The following CDH13 variants were observed in gnomAD, a reference collection of about 807,000 sequenced individuals.
CDH13 encodes the protein cadherin-13.
Under a neutral mutation model 63.8 loss-of-function variants are expected in CDH13, and 24 were observed. The observed-to-expected ratio is 0.38, with a 90% CI of 0.27 to 0.53. CDH13 has a LOEUF of 0.53. Ranked by LOEUF, CDH13 falls within the 20% of genes least tolerant of loss-of-function variation. The pLI is 0.85. For missense variants in CDH13, 1,049 were observed against 903.1 expected (o/e 1.16, Z -2.07); for synonymous variants, 503 against 355.3 (o/e 1.42, Z -4.67).
chr16:82,943,408 C>A (rs148109009), intron 2 of CDH13, among the ~76,000 whole-genome samples: 19 of 152,174 alleles, frequency 1.2e-4, no homozygotes, highest in Admixed American at 3.9e-4. Context: ...ATGATTTTTT[C>A]TTTTCTTATA....
intron 1 of CDH13, among the ~76,000 whole-genome samples, chr16:82,723,649 C>G (rs751137707): frequency 6.6e-6 from 1 of 152,208 alleles, no homozygotes; most frequent in Non-Finnish European, 1.5e-5. Flanking sequence ...ATCATCCAAA[C>G]TCCTGTGCAA....
intron 10 of CDH13, among the ~76,000 whole-genome samples, chr16:83,745,846 A>G (rs1228133815): frequency 6.6e-6 from 1 of 152,056 alleles, no homozygotes; most frequent in African/African-American, 2.4e-5. Flanking sequence ...CTCTATCCTC[A>G]GAGGCCACCT....
chr16:83,071,127 T>C (rs1233784066), intron 3 of CDH13, among the ~76,000 whole-genome samples: 1 of 152,036 alleles, frequency 6.6e-6, no homozygotes, highest in African/African-American at 2.4e-5. Flanking sequence ...ATAGCCTCAT[T>C]TAATTGCAAA....
intron 10 of CDH13, among the ~76,000 whole-genome samples, chr16:83,738,861 G>A (rs1315986821): frequency 6.6e-6 from 1 of 152,162 alleles, no homozygotes; most frequent in Admixed American, 6.5e-5. Flanking sequence ...AGCCCAGATT[G>A]CACCACTGCA....
chr16:83,594,425 C>G (rs901795833), intron 7 of CDH13, among the ~76,000 whole-genome samples: 1 of 150,002 alleles, frequency 6.7e-6, no homozygotes, highest in African/African-American at 2.4e-5. Flanking sequence ...AATAATTGAT[C>G]ACATATTGAT....
intron 7 of CDH13, among the ~76,000 whole-genome samples, chr16:83,596,155 GC>G (rs2150742853): frequency 6.6e-6 from 1 of 152,264 alleles, no homozygotes; most frequent in Admixed American, 6.5e-5. Flanking sequence ...TGATAATGGG[GC>G]CCCCTTCTCA....
intron 10 of CDH13, among the ~76,000 whole-genome samples, chr16:83,717,247 G>A (rs7192046): frequency 0.093 from 14,126 of 151,934 alleles, 1,053 homozygotes; most frequent in African/African-American, 0.21. Flanking sequence ...ATGACAGAGC[G>A]AGATACTATC....
intron 6 of CDH13, among the ~76,000 whole-genome samples, chr16:83,392,357 A>G (rs1000004061): frequency 3.3e-5 from 5 of 152,156 alleles, no homozygotes; most frequent in African/African-American, 4.8e-5. Context: ...ATTATATATA[A>G]CTTATATTGT....
intron 7 of CDH13, among the ~76,000 whole-genome samples, chr16:83,558,501 T>G (rs2075644097): frequency 6.6e-6 from 1 of 152,246 alleles, no homozygotes; most frequent in Admixed American, 6.5e-5. Flanking sequence ...GTATAATGTA[T>G]GTGTCACTGC....
intron 3 of CDH13, among the ~76,000 whole-genome samples, chr16:83,049,120 A>G (rs1290469545): frequency 2.0e-5 from 3 of 152,072 alleles, no homozygotes; most frequent in East Asian, 1.9e-4. Context: ...CATAACATAA[A>G]ATTAAGCAAG....
intron 3 of CDH13, among the ~76,000 whole-genome samples, chr16:83,059,539 T>G (rs72796225): frequency 0.038 from 5,832 of 152,106 alleles, 187 homozygotes; most frequent in South Asian, 0.087. Context: ...AGGTTTCTTA[T>G]GAGAGATTGA....
intron 3 of CDH13, among the ~76,000 whole-genome samples, chr16:83,063,133 T>G (rs547805706): frequency 1.2e-4 from 19 of 152,284 alleles, no homozygotes. Flanking sequence ...GGCTAATTTT[T>G]GTATTTTTAG....
intron 7 of CDH13, among the ~76,000 whole-genome samples, chr16:83,536,071 G>C (rs544759936): frequency 6.0e-4 from 92 of 152,248 alleles, no homozygotes; most frequent in African/African-American, 2.0e-3. Context: ...GACAACATTT[G>C]CATGAACACC....
rs116432619 is a variant in CDH13 at position 83,171,625 on chromosome 16, G to T, written c.484-45720G>T. On this transcript the variant is annotated intron_variant, in intron 4 of 13. Coordinates refer to ENST00000567109, the MANE Select transcript of CDH13 (RefSeq NM_001257.5). Reference sequence around the variant, plus strand: ...TCTCTATCTTCATTTCCTTGTTTGTGTCTCCAATTTCCTATATGCCATCAG... The same window carrying T: ...TCTCTATCTTCATTTCCTTGTTTGTTTCTCCAATTTCCTATATGCCATCAG... 4,969 of 1,404,342 alleles carry T rather than the reference G, an allele frequency of 3.5e-3. 22 individuals carry two copies. Among genetic ancestry groups the T allele is most frequent in the Non-Finnish European group, 4.6e-3 (4,752 of 1,027,612 alleles). The allele number at this position is 1,404,342 out of a possible 1,614,324, so 87.0% of individuals were successfully genotyped here.
At chr16:83,335,002 G>A (rs1480285370) in intron 5 of CDH13, among the ~76,000 whole-genome samples, 1 of 152,080 alleles carries the variant, frequency 6.6e-6, no homozygotes, top group Non-Finnish European at 1.5e-5. Flanking sequence ...AACTGGGTTA[G>A]GATTAATGTT....
intron 5 of CDH13, among the ~76,000 whole-genome samples, chr16:83,273,376 G>T (rs761264054): frequency 6.6e-6 from 1 of 151,710 alleles, no homozygotes; most frequent in Non-Finnish European, 1.5e-5. Context: ...TTTTGTTCCC[G>T]TCTTAGTGTC....
chr16:82,928,489 A>C (rs969788462), intron 2 of CDH13, among the ~76,000 whole-genome samples: 1 of 152,226 alleles, frequency 6.6e-6, no homozygotes, highest in East Asian at 1.9e-4. Flanking sequence ...GTTCTATTCA[A>C]TTCCACACAC....
chr16:83,003,624 A>G (rs1445921391), intron 2 of CDH13, among the ~76,000 whole-genome samples: 1 of 152,228 alleles, frequency 6.6e-6, no homozygotes, highest in African/African-American at 2.4e-5. Flanking sequence ...AGTGCATATC[A>G]TGTCCTGGAA....
intron 4 of CDH13, among the ~76,000 whole-genome samples, chr16:83,190,221 G>C (rs550490727): frequency 1.2e-4 from 19 of 152,286 alleles, no homozygotes; most frequent in Admixed American, 1.2e-3. Flanking sequence ...GGTTCCGCTT[G>C]GCTAGAAGTA....
Sources: allele counts gnomAD v4.1 joint callset (sites outside exome capture counted in the v4.1 genomes callset), GRCh38; gene constraint gnomAD v4.1.1; transcripts MANE v1.5; gene names NCBI Gene and HGNC (gene_info 2026-07-23, HGNC 2026-07-21).